GPR26: variants seen among roughly 807,000 people sequenced by gnomAD.
GPR26 encodes the protein G protein-coupled receptor 26.
In GPR26, 15 loss-of-function variants were observed where a neutral mutation model predicts 23.1. That is an observed-to-expected ratio of 0.65 (90% CI 0.43 to 1.00). GPR26 has a LOEUF of 1.00. GPR26 is among the 50% of genes least tolerant of loss of function. The probability of loss-of-function intolerance (pLI) is 0.00; values close to 1 mark genes in which losing one functional copy is unlikely to be tolerated. For missense variants in GPR26, 359 were observed against 470.5 expected (o/e 0.76, Z 2.19); for synonymous variants, 228 against 222.1 (o/e 1.03, Z -0.24).
rs568269801 is a variant in GPR26 at position 123,674,555 on chromosome 10, C to G, written c.669-263C>G. Among the ~76,000 whole-genome samples the G allele has an allele frequency of 9.8e-5, 15 of 152,336 alleles. No homozygotes were observed. Among genetic ancestry groups the G allele is most frequent in the African/African-American group, 3.6e-4 (15 of 41,558 alleles). ...ATGCATTTAATTCTCAAAACAGCCT[C>G]TTGTAGCATTTTATTACATTATGTG... On this transcript the variant is annotated intron_variant, in intron 1 of 2. Coordinates refer to ENST00000284674, the MANE Select transcript of GPR26 (RefSeq NM_153442.4). The surrounding 1 kb of genome is among the most constrained non-coding windows in gnomAD (Gnocchi z 4.1).
chr10:123,673,829 G>C (rs1485303298), intron 1 of GPR26, among the ~76,000 whole-genome samples: 1 of 152,194 alleles, frequency 6.6e-6, no homozygotes, highest in East Asian at 1.9e-4. Flanking sequence ...AGTCATGCAC[G>C]AGGGTTCAAA....
chr10:123,670,152 GC>G, intron 1 of GPR26, among the ~76,000 whole-genome samples: 1 of 152,318 alleles, frequency 6.6e-6, no homozygotes, highest in Admixed American at 6.5e-5. Flanking sequence ...CTCTGAGGCT[GC>G]CCCAGGCTCT....
At chr10:123,676,869 A>C (rs1219811) in intron 2 of GPR26, among the ~76,000 whole-genome samples, 146,164 of 152,260 alleles carry the variant, frequency 0.96, 70,407 homozygotes, top group East Asian at 1. Context: ...AGGACAGGGA[A>C]CATGGAGACA....
At position 123,688,008 on chromosome 10, in the gene GPR26, G is replaced by A. The variant is rs1196848316; in HGVS notation, c.862G>A (p.Ala288Thr). ...CAAGTGCTTGGCGTACAGCAAGGCC[G>A]CATCCGACCCCTTTGTGTACTCCTT... Reference protein sequence around the residue: ...LSKCLAYSKAASDPFVYSLLR... With the variant: ...LSKCLAYSKATSDPFVYSLLR... The change falls in exon 3 of 3, where the codon GCA becomes ACA. Residue 288 changes from alanine to threonine, a missense_variant. By Grantham distance (58) the Ala-to-Thr change is moderately conservative. Coordinates refer to ENST00000284674, the MANE Select transcript of GPR26 (RefSeq NM_153442.4). 1.9e-6 allele frequency: 3 copies of A among 1,613,832 alleles called. No homozygotes were observed. The highest frequency in any genetic ancestry group is 2.5e-6 in the Non-Finnish European group (3 of 1,179,828).
At position 123,694,920 on chromosome 10, in the gene GPR26, G is replaced by C. The variant is rs925387844; in HGVS notation, c.*6760G>C. On this transcript the variant is annotated 3_prime_UTR_variant, in exon 3 of 3. Transcript: ENST00000284674. ...AGGGCCCATCTTCTGACAATATCCT[G>C]AAGGGTTCGAATGTTTGTCTTCGGT... Among the ~76,000 whole-genome samples the C allele has an allele frequency of 6.6e-6, 1 of 152,146 alleles. No individual in the cohort carries two copies. The highest frequency in any genetic ancestry group is 2.4e-5 in the African/African-American group (1 of 41,444).
Position 123,674,334 on chromosome 10 carries a change from CTG to C in GPR26, c.669-481_669-480del, listed in dbSNP as rs2133924087. On this transcript the variant is annotated intron_variant, in intron 1 of 2. Coordinates refer to ENST00000284674, the MANE Select transcript of GPR26 (RefSeq NM_153442.4). The surrounding 1 kb of genome is among the most constrained non-coding windows in gnomAD (Gnocchi z 4.1). ...GGTAAAACACACCTGCCAGGATTAA[CTG>C]TGGTAAAGAGAAGAATCTGAGATAC... is the stretch of plus-strand genomic sequence containing the variant. Among the ~76,000 whole-genome samples the C allele has an allele frequency of 6.6e-6, 1 of 152,336 alleles. No individual in the cohort carries two copies. Among genetic ancestry groups the C allele is most frequent in the South Asian group, 2.1e-4 (1 of 4,826 alleles).
chr10:123,685,977 G>A (rs1845427831), intron 2 of GPR26, among the ~76,000 whole-genome samples: 1 of 152,234 alleles, frequency 6.6e-6, no homozygotes, highest in Admixed American at 6.5e-5. Context: ...TCTGAGCCAG[G>A]TGGAGAGCTG....
intron 1 of GPR26, among the ~76,000 whole-genome samples, chr10:123,670,739 G>A (rs930885497): frequency 9.2e-5 from 14 of 152,186 alleles, no homozygotes; most frequent in South Asian, 2.1e-4. Flanking sequence ...CCCCTCAGGC[G>A]TCTAGCTGGG....
chr10:123,681,248 C>T (rs997001660), intron 2 of GPR26, among the ~76,000 whole-genome samples: 10 of 152,172 alleles, frequency 6.6e-5, no homozygotes, highest in Admixed American at 3.9e-4. Context: ...CTGAAACCGG[C>T]GGCCGTGCCC....
At chr10:123,678,535 G>A (rs1845333118) in intron 2 of GPR26, among the ~76,000 whole-genome samples, 1 of 152,180 alleles carries the variant, frequency 6.6e-6, no homozygotes, top group African/African-American at 2.4e-5. Flanking sequence ...AAGGCAGCAG[G>A]GAGAGGAGTG....
At chr10:123,676,561 C>T (rs1845312908) in intron 2 of GPR26, among the ~76,000 whole-genome samples, 1 of 152,214 alleles carries the variant, frequency 6.6e-6, no homozygotes. Context: ...CAAATGCTCC[C>T]TGGAGACCAG....
rs4980199 is a variant in GPR26, at chr10:123,691,470, A to T, written c.*3310A>T. On this transcript the variant is annotated 3_prime_UTR_variant, in exon 3 of 3. Transcript: ENST00000284674. ...AAGAATGGGGCCAGGTTCATGTCCC[A>T]GTTGTCACCCTTTTACATGCTTGGG... The T allele has an allele frequency of 6.6e-6, 1 of 152,172 alleles. No homozygotes were observed. Among genetic ancestry groups the T allele is most frequent in the Non-Finnish European group, 1.5e-5 (1 of 68,050 alleles). 9.4% of individuals were successfully genotyped at this position (152,172 alleles called of 1,614,324 possible). A position where few individuals can be genotyped will look rare whatever the true frequency, so the allele number is the denominator to read the frequency against.
At position 123,694,768 on chromosome 10, in the gene GPR26, A is replaced by T. The variant is rs1221018316; in HGVS notation, c.*6608A>T. Among the ~76,000 whole-genome samples, 2 of 140,666 alleles carry T rather than the reference A, an allele frequency of 1.4e-5. No individual in the cohort carries two copies. Among genetic ancestry groups the T allele is most frequent in the African/African-American group, 5.8e-5 (2 of 34,306 alleles). 92.3% of individuals were successfully genotyped at this position (140,666 alleles called of 152,430 possible). ...GATTCCCTAGGAAGTTGAACGAAGAAGGAAGGAAGGAAGAAAGGAGAGAAA... is the reference window on the plus strand; with the variant it reads ...GATTCCCTAGGAAGTTGAACGAAGATGGAAGGAAGGAAGAAAGGAGAGAAA... On this transcript the variant is annotated 3_prime_UTR_variant, in exon 3 of 3. Coordinates refer to ENST00000284674, the MANE Select transcript of GPR26 (RefSeq NM_153442.4).
rs905971419 is a variant in GPR26 at position 123,667,114 on chromosome 10, C to A, written c.668+39C>A. On this transcript the variant is annotated intron_variant, in intron 1 of 2. Coordinates refer to ENST00000284674, the MANE Select transcript of GPR26 (RefSeq NM_153442.4). ...AGCTAAGGCTCTGGGAACAGCCGCG[C>A]GGGATCTCGGCGGGAGTGGGAGGTC... The A allele has an allele frequency of 9.1e-6, 13 of 1,434,884 alleles. No individual in the cohort carries two copies. The African/African-American group carries it at 1.4e-4, about 16-fold the overall frequency. The allele number at this position is 1,434,884 out of a possible 1,614,324, so 88.9% of individuals were successfully genotyped here. A position where few individuals can be genotyped will look rare whatever the true frequency, so the allele number is the denominator to read the frequency against.
intron 1 of GPR26, among the ~76,000 whole-genome samples, chr10:123,667,824 C>A (rs1845205244): frequency 1.3e-5 from 2 of 152,222 alleles, no homozygotes; most frequent in South Asian, 4.1e-4. Context: ...TGGAGCTGGG[C>A]AAGCATGGGT....
rs1397875573 is a variant in GPR26 at position 123,697,175 on chromosome 10, GC to G, written c.*9016del. ...TATTACCAGAAGCCCTCCCAATACG[GC>G]AATATTACCTTCTGTGTAATCCACT... On this transcript the variant is annotated 3_prime_UTR_variant, in exon 3 of 3. Transcript: ENST00000284674. Among the ~76,000 whole-genome samples the G allele has an allele frequency of 8.5e-5, 13 of 152,090 alleles. No homozygotes were observed. Among genetic ancestry groups the G allele is most frequent in the African/African-American group, 2.4e-5 (1 of 41,408 alleles).
rs542344081 is a variant in GPR26 at position 123,679,523 on chromosome 10, C to T, written c.782+4592C>T. On this transcript the variant is annotated intron_variant, in intron 2 of 2. Coordinates refer to ENST00000284674, the MANE Select transcript of GPR26 (RefSeq NM_153442.4). The stretch of plus-strand genomic sequence containing the variant: ...GGGCTGGGCATGGATGGCTTTAAGG[C>T]GCCTCAGATGATTCTAATTGCCAGT... Among the ~76,000 whole-genome samples, 14 of 152,304 alleles carry T rather than the reference C, an allele frequency of 9.2e-5. No homozygotes were observed. The South Asian group carries it at 1.5e-3, about 16-fold the overall frequency.
chr10:123,673,895 C>T (rs1253234143), intron 1 of GPR26, among the ~76,000 whole-genome samples: 1 of 147,000 alleles, frequency 6.8e-6, no homozygotes, highest in East Asian at 2.0e-4. Context: ...CTTTTCATTT[C>T]TTCTTTTTTC....
chr10:123,675,165 C>T (rs949211885), intron 2 of GPR26, among the ~76,000 whole-genome samples: 3 of 152,148 alleles, frequency 2.0e-5, no homozygotes, highest in Admixed American at 1.3e-4. Context: ...CTCTCCCACT[C>T]GATTTCTAAA....
Sources: gnomAD v4.1 joint callset for allele counts (sites outside exome capture counted in the v4.1 genomes callset) on GRCh38, gnomAD v4.1.1 for gene constraint, Gnocchi (gnomAD v3.1) non-coding constraint, MANE v1.5 for transcripts, NCBI Gene and HGNC (gene_info 2026-07-23, HGNC 2026-07-21) for gene names.